The following PRKAR2B variants were observed in gnomAD, a reference collection of about 807,000 sequenced individuals.
The protein encoded by PRKAR2B is protein kinase cAMP-dependent type II regulatory subunit beta.
A neutral mutation model predicts 49.9 loss-of-function variants in PRKAR2B; 14 were observed. The observed-to-expected ratio is 0.28, with a 90% confidence interval of 0.19 to 0.44. The LOEUF (loss-of-function observed/expected upper bound fraction) is 0.44, where lower values mean the gene tolerates loss of function less well. Ranked by LOEUF, PRKAR2B falls within the 20% of genes least tolerant of loss-of-function variation. The probability of loss-of-function intolerance (pLI) is 1.00; values close to 1 mark genes in which losing one functional copy is unlikely to be tolerated. For missense variants in PRKAR2B, 393 were observed against 537.9 expected (o/e 0.73, Z 2.67); for synonymous variants, 196 against 197.7 (o/e 0.99, Z 0.07).
intron 1 of PRKAR2B, among the ~76,000 whole-genome samples, chr7:107,051,786 T>A (rs1793809602): frequency 6.6e-6 from 1 of 152,218 alleles, no homozygotes; most frequent in Non-Finnish European, 1.5e-5. Context: ...TTAAAAATGT[T>A]TCTTAATTAA....
At chr7:107,097,801 T>G (rs1794874238) in intron 2 of PRKAR2B, among the ~76,000 whole-genome samples, 1 of 152,246 alleles carries the variant, frequency 6.6e-6, no homozygotes, top group Non-Finnish European at 1.5e-5. Flanking sequence ...AATTCTGGGT[T>G]GAAAATTCTT....
intron 2 of PRKAR2B, among the ~76,000 whole-genome samples, chr7:107,102,998 A>T (rs1182582809): frequency 1.3e-5 from 2 of 152,236 alleles, no homozygotes; most frequent in Non-Finnish European, 2.9e-5. Context: ...AAAATATATT[A>T]CTGCATAGCT....
At chr7:107,068,663 A>G (rs1458838732) in intron 1 of PRKAR2B, 6 of 152,170 alleles carry the variant, frequency 3.9e-5, no homozygotes, top group African/African-American at 1.4e-4. Context: ...TATAAATGAT[A>G]ATATCTTGAT....
At chr7:107,083,165 G>A (rs1196835144) in intron 2 of PRKAR2B, among the ~76,000 whole-genome samples, 1 of 151,666 alleles carries the variant, frequency 6.6e-6, no homozygotes, top group African/African-American at 2.4e-5. Context: ...GATCCCTTGA[G>A]GGGATTGTGC....
At chr7:107,144,104 G>T (rs1202170403) in intron 5 of PRKAR2B, among the ~76,000 whole-genome samples, 10 of 131,200 alleles carry the variant, frequency 7.6e-5, no homozygotes, top group Non-Finnish European at 1.2e-4. Context: ...TTATTTTTGA[G>T]GCGGAGTCTT....
intron 2 of PRKAR2B, among the ~76,000 whole-genome samples, chr7:107,087,454 G>T (rs900321047): frequency 7.5e-4 from 114 of 151,696 alleles, no homozygotes; most frequent in African/African-American, 2.8e-3. Context: ...CATTTATTTA[G>T]AGCTTACTGT....
At chr7:107,090,993 G>A (rs372272649) in intron 2 of PRKAR2B, among the ~76,000 whole-genome samples, 187 of 152,290 alleles carry the variant, frequency 1.2e-3, no homozygotes, top group African/African-American at 2.2e-3. Context: ...AAAGTGGGAG[G>A]CTAAAGGTCA....
chr7:107,052,991 G>A (rs899831249), intron 1 of PRKAR2B, among the ~76,000 whole-genome samples: 3 of 152,016 alleles, frequency 2.0e-5, no homozygotes, highest in African/African-American at 7.3e-5. Flanking sequence ...CACCATGTCT[G>A]CCTAATTTTT....
chr7:107,104,025 C>CT (rs3831562), intron 2 of PRKAR2B, among the ~76,000 whole-genome samples: 12,382 of 150,234 alleles, frequency 0.082, 695 homozygotes, highest in Non-Finnish European at 0.12. Flanking sequence ...ATGTTTTTTT[C>CT]TTTTTTTTTT....
chr7:107,128,112 C>CT lies in PRKAR2B; in HGVS notation c.397-97dup, dbSNP rs1795531436. 3.1e-5 allele frequency: 24 copies of CT among 778,100 alleles called. No homozygotes were observed. In the South Asian group the frequency reaches 3.9e-4, roughly 13 times the overall value. 48.2% of individuals were successfully genotyped at this position (778,100 alleles called of 1,614,324 possible). On this transcript the variant is annotated intron_variant, in intron 3 of 10. Transcript: ENST00000265717. ...GCAAACTTGAGCGCTAACAGTTCTT[C>CT]TTTCTAATGTTGGTTCTGATTTTTG... is the stretch of plus-strand genomic sequence containing the variant.
At chr7:107,145,451 A>G (rs971464299) in intron 5 of PRKAR2B, among the ~76,000 whole-genome samples, 32 of 152,330 alleles carry the variant, frequency 2.1e-4, no homozygotes, top group African/African-American at 7.7e-4. Flanking sequence ...AAGTAATAAT[A>G]TGTTCATGTT....
intron 5 of PRKAR2B, among the ~76,000 whole-genome samples, chr7:107,141,294 G>A (rs1423688751): frequency 6.6e-6 from 1 of 152,236 alleles, no homozygotes; most frequent in African/African-American, 2.4e-5. Context: ...GAGAACAGCA[G>A]TATAATATAA....
intron 7 of PRKAR2B, among the ~76,000 whole-genome samples, chr7:107,152,111 A>G (rs1303323923): frequency 6.6e-6 from 1 of 152,180 alleles, no homozygotes; most frequent in Non-Finnish European, 1.5e-5. Context: ...TCAGGCCAAA[A>G]ACCTTCGAGT....
At chr7:107,070,249 A>G (rs1297790014) in intron 1 of PRKAR2B, 32 bp from the exon 2 acceptor site, 1 of 1,564,838 alleles carries the variant, frequency 6.4e-7, no homozygotes. Flanking sequence ...TAGACTTTTA[A>G]TCTAATCATA....
intron 2 of PRKAR2B, among the ~76,000 whole-genome samples, chr7:107,096,671 C>G (rs879229438): frequency 6.6e-6 from 1 of 152,204 alleles, no homozygotes; most frequent in East Asian, 1.9e-4. Context: ...TCCCTCTACA[C>G]ACTGCTTTAA....
chr7:107,073,528 G>A (rs1247155796), intron 2 of PRKAR2B, among the ~76,000 whole-genome samples: 2 of 152,164 alleles, frequency 1.3e-5, no homozygotes, highest in African/African-American at 4.8e-5. Flanking sequence ...ATGGGCACCA[G>A]AAGAATAGGA....
Position 107,044,844 on chromosome 7 carries a change from G to T in PRKAR2B, c.-64G>T, listed in dbSNP as rs1281719851. ...TAGGCGCTCGCTCGGCAGCCGCGGGGCCCTAGGCCGTGCCGGGGAGGGGGC... is the reference window on the plus strand; with the variant it reads ...TAGGCGCTCGCTCGGCAGCCGCGGGTCCCTAGGCCGTGCCGGGGAGGGGGC... On this transcript the variant is annotated 5_prime_UTR_variant, in exon 1 of 11. Coordinates refer to ENST00000265717, the MANE Select transcript of PRKAR2B (RefSeq NM_002736.3). 2.1e-6 allele frequency: 3 copies of T among 1,449,398 alleles called. No homozygotes were observed. The highest frequency in any genetic ancestry group is 1.8e-6 in the Non-Finnish European group (2 of 1,087,912). 89.8% of individuals were successfully genotyped at this position (1,449,398 alleles called of 1,614,324 possible). A position where few individuals can be genotyped will look rare whatever the true frequency, so the allele number is the denominator to read the frequency against.
intron 1 of PRKAR2B, among the ~76,000 whole-genome samples, chr7:107,067,726 A>G (rs1479338362): frequency 1.3e-5 from 2 of 152,238 alleles, no homozygotes; most frequent in Non-Finnish European, 2.9e-5. Context: ...TAGGAATCCA[A>G]ATACCATAAG....
rs1461997823 is a variant in PRKAR2B, at chr7:107,044,995, G to C, written c.88G>C (p.Glu30Gln). 3 of 1,559,408 alleles carry C rather than the reference G, an allele frequency of 1.9e-6. No homozygotes were observed. Among genetic ancestry groups the C allele is most frequent in the Non-Finnish European group, 2.6e-6 (3 of 1,154,520 alleles). The change falls in exon 1 of 11, where the codon GAG becomes CAG. Residue 30 changes from glutamate to glutamine, a missense_variant. Glu to Gln is a conservative substitution (Grantham distance 29). Around this residue, in one of 2 missense-constraint regions of PRKAR2B, gnomAD observed 160 missense variants for 147.6 expected, o/e 1.08. Coordinates refer to ENST00000265717, the MANE Select transcript of PRKAR2B (RefSeq NM_002736.3). The part of the protein sequence containing the change: ...VLRHQPADLL[E>Q]FALQHFTRLQ... ...GAGGCACCAGCCCGCGGACCTGCTGGAGTTCGCGCTGCAGCACTTCACCCG... is the reference window on the plus strand; with the variant it reads ...GAGGCACCAGCCCGCGGACCTGCTGCAGTTCGCGCTGCAGCACTTCACCCG...
Sources: gnomAD v4.1 joint callset for allele counts (sites outside exome capture counted in the v4.1 genomes callset) on GRCh38, gnomAD v4.1.1 for gene constraint, gnomAD v4.1.1 regional missense constraint, MANE v1.5 for transcripts, NCBI Gene and HGNC (gene_info 2026-07-23, HGNC 2026-07-21) for gene names.